The following TRPM3 variants were observed in gnomAD, a reference collection of about 807,000 sequenced individuals.
TRPM3 encodes long transient receptor potential channel 3.
In TRPM3, 77 loss-of-function variants were observed where a neutral mutation model predicts 181.2. The ratio of observed to expected loss-of-function variants is 0.42; its 90% confidence interval spans 0.35 to 0.51. The LOEUF is 0.51. Ranked by LOEUF, TRPM3 falls within the 20% of genes least tolerant of loss-of-function variation. The pLI, the probability that TRPM3 is intolerant of heterozygous loss-of-function variation, is 0.01. For synonymous variants in TRPM3, 745 were observed against 796.4 expected, an observed-to-expected ratio of 0.94 and a Z score of 1.09; for missense variants, 1,759 against 2,196.7, an observed-to-expected ratio of 0.80 and a Z score of 3.98.
intron 1 of TRPM3, among the ~76,000 whole-genome samples, chr9:70,965,295 A>G (rs2097174339): frequency 6.6e-6 from 1 of 152,084 alleles, no homozygotes; most frequent in African/African-American, 2.4e-5. Flanking sequence ...TTGATTTTAC[A>G]ACTTCAAAAA....
At chr9:70,798,591 C>A (rs969352821) in intron 6 of TRPM3, among the ~76,000 whole-genome samples, 2 of 152,152 alleles carry the variant, frequency 1.3e-5, no homozygotes, top group African/African-American at 4.8e-5. Flanking sequence ...GACTCCCCAG[C>A]CCTCTCAGAT....
chr9:71,361,546 A>G (rs1389715533), intron 1 of TRPM3, among the ~76,000 whole-genome samples: 2 of 152,202 alleles, frequency 1.3e-5, no homozygotes, highest in African/African-American at 2.4e-5. Flanking sequence ...GGAGTTTTAC[A>G]TATGAAGGGC....
At chr9:71,285,016 TAA>T (rs764570669) in intron 1 of TRPM3, among the ~76,000 whole-genome samples, 29 of 152,212 alleles carry the variant, frequency 1.9e-4, no homozygotes, top group Non-Finnish European at 3.2e-4. Context: ...CAATTTTAAT[TAA>T]AATCAGCAAA....
chr9:70,762,147 A>C (rs1346967179), intron 7 of TRPM3, among the ~76,000 whole-genome samples: 1 of 152,176 alleles, frequency 6.6e-6, no homozygotes, highest in African/African-American at 2.4e-5. Flanking sequence ...CGTCATGTCT[A>C]ATTGTGGAAA....
At chr9:70,879,823 T>C (rs76093709) in intron 1 of TRPM3, among the ~76,000 whole-genome samples, 45 of 152,228 alleles carry the variant, frequency 3.0e-4, no homozygotes, top group Non-Finnish European at 4.9e-4. Flanking sequence ...TAACTGACCG[T>C]CTCTTAAAGC....
intron 1 of TRPM3, among the ~76,000 whole-genome samples, chr9:71,052,194 A>C (rs78484363): frequency 0.082 from 12,531 of 152,164 alleles, 571 homozygotes; most frequent in Admixed American, 0.14. Context: ...ATTAAACCAA[A>C]TAAAGCAAAA....
intron 22 of TRPM3, among the ~76,000 whole-genome samples, chr9:70,567,822 G>A (rs561803019): frequency 6.6e-6 from 1 of 152,328 alleles, no homozygotes; most frequent in East Asian, 1.9e-4. Context: ...GTTTATAAAA[G>A]AATGTTCTGT....
chr9:70,932,284 G>A (rs2096783151), intron 1 of TRPM3, among the ~76,000 whole-genome samples: 1 of 152,050 alleles, frequency 6.6e-6, no homozygotes, highest in African/African-American at 2.4e-5. Context: ...GGGGAAGAGG[G>A]CCTTCGTAAA....
chr9:70,663,268 A>C (rs2061374276), intron 9 of TRPM3, among the ~76,000 whole-genome samples: 1 of 152,174 alleles, frequency 6.6e-6, no homozygotes, highest in Non-Finnish European at 1.5e-5. Context: ...GAGGGATAAA[A>C]GACTACATAT....
intron 9 of TRPM3, among the ~76,000 whole-genome samples, chr9:70,654,586 G>C (rs988983698): frequency 6.6e-6 from 1 of 151,828 alleles, no homozygotes; most frequent in Non-Finnish European, 1.5e-5. Context: ...AAACCCCTAG[G>C]CCACAGCTCA....
chr9:71,323,814 G>A (rs904967873), intron 1 of TRPM3, among the ~76,000 whole-genome samples: 1 of 152,118 alleles, frequency 6.6e-6, no homozygotes, highest in African/African-American at 2.4e-5. Context: ...CTAGAAGAGA[G>A]AAAGAAAGGG....
Position 70,590,969 on chromosome 9 carries a change from G to C in TRPM3, c.3223+62C>G, listed in dbSNP as rs751739934. On this transcript the variant is annotated intron_variant, in intron 22 of 25. Transcript: ENST00000677713. ...AGAACAAACAAATGAACTTGGAAAAGACATAACCGAATTGAATTTAAATAC... is the reference window on the plus strand; with the variant it reads ...AGAACAAACAAATGAACTTGGAAAACACATAACCGAATTGAATTTAAATAC... 1.1e-5 allele frequency: 18 copies of C among 1,603,394 alleles called. No homozygotes were observed. In the East Asian group the frequency reaches 1.8e-4, roughly 16 times the overall value.
intron 1 of TRPM3, among the ~76,000 whole-genome samples, chr9:71,226,441 T>C (rs2309892): frequency 0.95 from 143,953 of 152,050 alleles, 68,523 homozygotes; most frequent in East Asian, 1. Flanking sequence ...AAAAAGCATA[T>C]TTGGCCTTTA....
intron 1 of TRPM3, among the ~76,000 whole-genome samples, chr9:70,934,109 G>C (rs962245003): frequency 6.6e-6 from 1 of 152,128 alleles, no homozygotes; most frequent in African/African-American, 2.4e-5. Context: ...TAGTAGTTCT[G>C]TATCCTGTTA....
chr9:71,003,777 C>A (rs961854594), intron 1 of TRPM3, among the ~76,000 whole-genome samples: 15 of 151,096 alleles, frequency 9.9e-5, no homozygotes, highest in African/African-American at 3.6e-4. Context: ...CGTAAAAATA[C>A]AGCTAGAAAG....
chr9:71,217,723 A>C lies in TRPM3; in HGVS notation c.183+228930T>G, dbSNP rs371282494. Among the ~76,000 whole-genome samples the C allele has an allele frequency of 2.6e-5, 4 of 152,292 alleles. No homozygotes were observed. The South Asian group carries it at 8.3e-4, about 32-fold the overall frequency. ...TGAGACAGACCATTCTGCTCTGGGGAAAGTGAGGTAATCCACCGGGGAACC... is the reference window on the plus strand; with the variant it reads ...TGAGACAGACCATTCTGCTCTGGGGCAAGTGAGGTAATCCACCGGGGAACC... On this transcript the variant is annotated intron_variant, in intron 1 of 24. Transcript: ENST00000357533.
chr9:71,296,584 G>A (rs2086277123), intron 1 of TRPM3, among the ~76,000 whole-genome samples: 1 of 152,144 alleles, frequency 6.6e-6, no homozygotes, highest in Admixed American at 6.6e-5. Context: ...TGAGATTAAG[G>A]AGGGCAGGAG....
At chr9:71,202,535 T>A (rs1230440901) in intron 1 of TRPM3, among the ~76,000 whole-genome samples, 1 of 152,170 alleles carries the variant, frequency 6.6e-6, no homozygotes, top group Admixed American at 6.5e-5. Flanking sequence ...AAATTTCAGG[T>A]TATTAACACC....
intron 1 of TRPM3, among the ~76,000 whole-genome samples, chr9:71,190,198 T>C (rs1007391082): frequency 6.6e-6 from 1 of 151,992 alleles, no homozygotes; most frequent in African/African-American, 2.4e-5. Context: ...AGCTGCGCAA[T>C]GTGGGCAAGG....
Sources: gnomAD v4.1 joint callset for allele counts (sites outside exome capture counted in the v4.1 genomes callset) on GRCh38, gnomAD v4.1.1 for gene constraint, MANE v1.5 for transcripts, NCBI Gene and HGNC (gene_info 2026-07-23, HGNC 2026-07-21) for gene names.